Variants in UNC5D observed in about 807,000 individuals in gnomAD.
The protein encoded by UNC5D is netrin receptor UNC5D.
A neutral mutation model predicts 105.4 loss-of-function variants in UNC5D; 39 were observed. The ratio of observed to expected loss-of-function variants is 0.37; its 90% CI spans 0.29 to 0.48. UNC5D has a LOEUF of 0.48. Among genes scored for constraint, UNC5D ranks in the 20% least tolerant of loss-of-function variants. The pLI is 0.98. For synonymous variants in UNC5D, 452 were observed against 450.4 expected, an observed-to-expected ratio of 1.00 and a Z score of -0.04; for missense variants, 991 against 1,202.4, an observed-to-expected ratio of 0.82 and a Z score of 2.60.
chr8:35,491,599 G>T (rs537755494), intron 1 of UNC5D, among the ~76,000 whole-genome samples: 1 of 150,446 alleles, frequency 6.6e-6, no homozygotes, highest in East Asian at 1.9e-4. Context: ...ATACTCCAAG[G>T]AGTAGGCAAC....
chr8:35,697,725 T>C (rs1826888040), intron 7 of UNC5D, among the ~76,000 whole-genome samples: 1 of 152,166 alleles, frequency 6.6e-6, no homozygotes, highest in African/African-American at 2.4e-5. Flanking sequence ...TTTATTGTTC[T>C]AGGTACTGGA....
chr8:35,612,999 T>G (rs1172382350), intron 4 of UNC5D, among the ~76,000 whole-genome samples: 2 of 152,132 alleles, frequency 1.3e-5, no homozygotes, highest in African/African-American at 4.8e-5. Flanking sequence ...GGAAACCCTC[T>G]GCAGAGGATG....
intron 2 of UNC5D, among the ~76,000 whole-genome samples, chr8:35,567,430 G>A (rs1044506283): frequency 6.6e-6 from 1 of 152,100 alleles, no homozygotes; most frequent in Non-Finnish European, 1.5e-5. Flanking sequence ...CAAGATGGGA[G>A]GATTACTTGA....
intron 1 of UNC5D, among the ~76,000 whole-genome samples, chr8:35,515,560 C>T (rs1813048987): frequency 6.6e-6 from 1 of 152,230 alleles, no homozygotes; most frequent in East Asian, 1.9e-4. Context: ...TGGTGTGCAC[C>T]TGTAATCCCA....
chr8:35,722,489 A>T, intron 9 of UNC5D, 94 bp downstream of exon 9: 1 of 1,466,746 alleles, frequency 6.8e-7, no homozygotes, highest in Non-Finnish European at 9.1e-7. Flanking sequence ...GTGTGAAGGT[A>T]GCTCTTGGCA....
chr8:35,440,000 G>A (rs1000511170), intron 1 of UNC5D, among the ~76,000 whole-genome samples: 1 of 151,948 alleles, frequency 6.6e-6, no homozygotes, highest in African/African-American at 2.4e-5. Context: ...AGATGTAAAG[G>A]TCACAAAACA....
At chr8:35,687,247 T>G (rs1826070268) in intron 7 of UNC5D, among the ~76,000 whole-genome samples, 1 of 151,956 alleles carries the variant, frequency 6.6e-6, no homozygotes, top group Admixed American at 6.6e-5. Context: ...ATCGAGACCA[T>G]CCTGGCTAAC....
At chr8:35,714,455 C>T (rs577481461) in intron 8 of UNC5D, among the ~76,000 whole-genome samples, 6 of 152,178 alleles carry the variant, frequency 3.9e-5, no homozygotes, top group Non-Finnish European at 7.4e-5. Context: ...TCAAGGAAAT[C>T]GTTGGCACTG....
At chr8:35,766,869 G>A in intron 14 of UNC5D, 33 bp from the exon 15 acceptor site, 1 of 1,591,014 alleles carries the variant, frequency 6.3e-7, no homozygotes, top group Non-Finnish European at 8.6e-7. Context: ...GCCAGGCTCT[G>A]CACACCATCC....
At chr8:35,436,960 C>A (rs777747619) in intron 1 of UNC5D, among the ~76,000 whole-genome samples, 7 of 151,878 alleles carry the variant, frequency 4.6e-5, no homozygotes, top group Non-Finnish European at 8.8e-5. Context: ...GAATCTTATT[C>A]AATTTATTAC....
At chr8:35,722,063 G>A in intron 8 of UNC5D, 147 bp from the exon 9 acceptor site, 1 of 855,814 alleles carries the variant, frequency 1.2e-6, no homozygotes, top group Non-Finnish European at 1.8e-6. Flanking sequence ...CTGTGTGAAA[G>A]TGAGTACAAC....
At position 35,335,756 on chromosome 8, in the gene UNC5D, A is replaced by ATTTTT. The variant is rs35774459; in HGVS notation, c.103+99890_103+99894dup. On this transcript the variant is annotated intron_variant, in intron 1 of 16. Transcript: ENST00000404895. ...GGATAGAATGAAATGAGAGATTGCAATTTTTTTTTTTTTTTTTTTTTTTTT... is the reference window on the plus strand; with the variant it reads ...GGATAGAATGAAATGAGAGATTGCAATTTTTTTTTTTTTTTTTTTTTTTTTTTTTT... Among the ~76,000 whole-genome samples the ATTTTT allele has an allele frequency of 4.1e-3, 372 of 90,414 alleles. 14 individuals are homozygous for ATTTTT. The highest frequency in any genetic ancestry group is 0.011 in the African/African-American group (246 of 22,646). 59.3% of individuals were successfully genotyped at this position (90,414 alleles called of 152,430 possible).
chr8:35,393,897 A>G (rs1803935419), intron 1 of UNC5D, among the ~76,000 whole-genome samples: 1 of 152,200 alleles, frequency 6.6e-6, no homozygotes, highest in African/African-American at 2.4e-5. Context: ...GGCTGAAAGA[A>G]AAAAGAAATA....
chr8:35,443,576 T>A (rs955649123), intron 1 of UNC5D, among the ~76,000 whole-genome samples: 11 of 151,918 alleles, frequency 7.2e-5, no homozygotes, highest in Admixed American at 7.2e-4. Context: ...AATGGGAATC[T>A]GCGGAATATT....
chr8:35,235,961 C>T, intron 1 of UNC5D, 74 bp downstream of exon 1: 2 of 1,185,508 alleles, frequency 1.7e-6, no homozygotes, highest in Non-Finnish European at 2.1e-6. Context: ...GGACCTGCAC[C>T]GATGGCGTTG....
At chr8:35,641,090 A>G (rs1366378258) in intron 4 of UNC5D, among the ~76,000 whole-genome samples, 1 of 152,110 alleles carries the variant, frequency 6.6e-6, no homozygotes. Context: ...GTTGTTTAAT[A>G]GAGACATTCA....
chr8:35,793,104 G>T lies in UNC5D; in HGVS notation c.*2541G>T. ...TCAAATTCATCCTTCAGCCTGTCTT[G>T]TTTCTTCTTTATGTTTCTTTTACTT... On this transcript the variant is annotated 3_prime_UTR_variant, in exon 17 of 17. Transcript: ENST00000404895. 1 of 453,096 alleles carries T rather than the reference G, an allele frequency of 2.2e-6. No individual in the cohort carries two copies. The highest frequency in any genetic ancestry group is 1.6e-5 in the South Asian group (1 of 63,690). 28.1% of individuals were successfully genotyped at this position (453,096 alleles called of 1,614,324 possible). A position where few individuals can be genotyped will look rare whatever the true frequency, so the allele number is the denominator to read the frequency against.
chr8:35,664,777 A>G (rs2131248966), intron 4 of UNC5D, among the ~76,000 whole-genome samples: 1 of 152,320 alleles, frequency 6.6e-6, no homozygotes, highest in African/African-American at 2.4e-5. Flanking sequence ...TCAAGTTGCC[A>G]AAGCTAGAAA....
chr8:35,346,855 C>T (rs1392120540), intron 1 of UNC5D, among the ~76,000 whole-genome samples: 3 of 151,640 alleles, frequency 2.0e-5, no homozygotes, highest in African/African-American at 7.2e-5. Context: ...TCTTTTTTTT[C>T]TTCTAATGAT....
Sources: gnomAD v4.1 joint callset for allele counts (sites outside exome capture counted in the v4.1 genomes callset) on GRCh38, gnomAD v4.1.1 for gene constraint, MANE v1.5 for transcripts, NCBI Gene and HGNC (gene_info 2026-07-23, HGNC 2026-07-21) for gene names.